The following CAMKMT variants were observed in gnomAD, a reference collection of about 807,000 sequenced individuals.
The protein encoded by CAMKMT is calmodulin-lysine N-methyltransferase.
Under a neutral mutation model 48.0 loss-of-function variants are expected in CAMKMT, and 53 were observed. The observed-to-expected ratio is 1.10, with a 90% CI of 0.89 to 1.39. The LOEUF (loss-of-function observed/expected upper bound fraction) is 1.39. Among genes scored for constraint, CAMKMT ranks in the 40% most tolerant of loss-of-function variants. CAMKMT has a pLI of 0.00. For missense variants in CAMKMT, 428 were observed against 402.7 expected, an observed-to-expected ratio of 1.06 and a Z score of -0.54; for synonymous variants, 165 against 152.3, an observed-to-expected ratio of 1.08 and a Z score of -0.61.
At chr2:44,381,575 A>T (rs959241671) in intron 2 of CAMKMT, among the ~76,000 whole-genome samples, 4 of 152,214 alleles carry the variant, frequency 2.6e-5, no homozygotes, top group African/African-American at 9.7e-5. Flanking sequence ...CAATCTTAAA[A>T]TCCAACATAA....
At chr2:44,462,424 G>A (rs1667894294) in intron 3 of CAMKMT, among the ~76,000 whole-genome samples, 2 of 151,996 alleles carry the variant, frequency 1.3e-5, no homozygotes, top group South Asian at 4.2e-4. Flanking sequence ...ACTCAATAAT[G>A]AAACTTGGAA....
chr2:44,768,672 C>T lies in CAMKMT; in HGVS notation c.894+2111C>T, dbSNP rs373288579. ...CTGCCCCTCCAGCCCTGCCCGCCCG[C>T]CCGGGGCTCCGGGACGCGGCCGCCG... On this transcript the variant is annotated intron_variant, in intron 10 of 10. Coordinates refer to ENST00000378494, the MANE Select transcript of CAMKMT (RefSeq NM_024766.5). 9.3e-3 allele frequency among the ~76,000 whole-genome samples: 1,409 copies of T among 152,300 alleles called. 8 individuals are homozygous for T. The highest frequency in any genetic ancestry group is 0.025 in the South Asian group (123 of 4,826).
At chr2:44,375,154 G>A (rs1181838706) in intron 2 of CAMKMT, among the ~76,000 whole-genome samples, 1 of 151,142 alleles carries the variant, frequency 6.6e-6, no homozygotes, top group African/African-American at 2.4e-5. Context: ...GAGCCACCAT[G>A]CCTGGCCAGG....
chr2:44,719,757 C>T (rs896714160), intron 7 of CAMKMT, among the ~76,000 whole-genome samples: 3 of 152,140 alleles, frequency 2.0e-5, no homozygotes, highest in African/African-American at 7.2e-5. Flanking sequence ...TCTTCTCAGG[C>T]ATGCGCATGT....
chr2:44,548,538 G>C (rs1047630477), intron 3 of CAMKMT, among the ~76,000 whole-genome samples: 1 of 152,158 alleles, frequency 6.6e-6, no homozygotes, highest in East Asian at 1.9e-4. Context: ...AGATACTGCT[G>C]TGGAAGGATT....
intron 3 of CAMKMT, among the ~76,000 whole-genome samples, chr2:44,532,993 T>C (rs1170800534): frequency 6.6e-6 from 1 of 151,460 alleles, no homozygotes; most frequent in South Asian, 2.1e-4. Flanking sequence ...TTGTATTTTT[T>C]AGTAGAGACG....
chr2:44,526,334 A>C (rs887301283), intron 3 of CAMKMT, among the ~76,000 whole-genome samples: 2 of 152,214 alleles, frequency 1.3e-5, no homozygotes, highest in African/African-American at 4.8e-5. Flanking sequence ...TAAAATTTCT[A>C]TTAGGGTTCT....
chr2:44,551,449 G>T (rs1041170245), intron 3 of CAMKMT, among the ~76,000 whole-genome samples: 3 of 152,110 alleles, frequency 2.0e-5, no homozygotes, highest in African/African-American at 7.2e-5. Flanking sequence ...GAAACTCCCT[G>T]GAGTTTTATG....
intron 3 of CAMKMT, among the ~76,000 whole-genome samples, chr2:44,606,616 A>C (rs1436773181): frequency 6.6e-6 from 1 of 152,146 alleles, no homozygotes; most frequent in Non-Finnish European, 1.5e-5. Flanking sequence ...TCATTTTTGA[A>C]ATGGTAGTGA....
intron 3 of CAMKMT, among the ~76,000 whole-genome samples, chr2:44,695,959 T>A (rs1676925383): frequency 1.3e-5 from 2 of 152,148 alleles, no homozygotes; most frequent in Admixed American, 1.3e-4. Context: ...ATTTTATTTT[T>A]TGAGACAGGG....
At chr2:44,745,928 T>C (rs1289239325) in intron 8 of CAMKMT, among the ~76,000 whole-genome samples, 3 of 152,162 alleles carry the variant, frequency 2.0e-5, no homozygotes, top group East Asian at 1.9e-4. Flanking sequence ...TCTGTAAGAG[T>C]TATTGCATGG....
intron 9 of CAMKMT, among the ~76,000 whole-genome samples, chr2:44,756,720 C>T (rs978464705): frequency 1.4e-5 from 2 of 144,996 alleles, no homozygotes; most frequent in African/African-American, 2.6e-5. Flanking sequence ...CTGGCCTGGG[C>T]GACAGAGCAA....
At chr2:44,556,305 A>G (rs952935204) in intron 3 of CAMKMT, among the ~76,000 whole-genome samples, 3 of 151,380 alleles carry the variant, frequency 2.0e-5, no homozygotes, top group African/African-American at 7.3e-5. Context: ...CACCTGGCTA[A>G]TTTTTGTATT....
intron 3 of CAMKMT, among the ~76,000 whole-genome samples, chr2:44,407,798 A>AT (rs1482949225): frequency 1.3e-5 from 2 of 152,016 alleles, no homozygotes; most frequent in East Asian, 1.9e-4. Flanking sequence ...ATGTGAAAGT[A>AT]TTTTTTCTTA....
At chr2:44,524,858 G>A (rs1452808818) in intron 3 of CAMKMT, among the ~76,000 whole-genome samples, 1 of 152,090 alleles carries the variant, frequency 6.6e-6, no homozygotes, top group South Asian at 2.1e-4. Flanking sequence ...TTAAATCATT[G>A]AATGGCTTTT....
In CAMKMT at chr2:44,470,220, T is replaced by A. The variant is rs373171712; in HGVS notation, c.376+79915T>A. On this transcript the variant is annotated intron_variant, in intron 3 of 10. Coordinates refer to ENST00000378494, the MANE Select transcript of CAMKMT (RefSeq NM_024766.5). Reference sequence around the variant, plus strand: ...TCCAGTTCTAACATTCTCAATTCTGTTTTTAAAACTATGGCCTCATACTGT... The same window carrying A: ...TCCAGTTCTAACATTCTCAATTCTGATTTTAAAACTATGGCCTCATACTGT... Among the ~76,000 whole-genome samples the A allele has an allele frequency of 1.1e-4, 16 of 152,294 alleles. No individual in the cohort carries two copies. The East Asian group carries it at 1.9e-3, about 18-fold the overall frequency.
chr2:44,706,414 G>C (rs1677564104), intron 5 of CAMKMT, 73 bp downstream of exon 5: 5 of 1,468,358 alleles, frequency 3.4e-6, no homozygotes, highest in East Asian at 2.3e-5. Flanking sequence ...GCCTCCAACT[G>C]CTGGGTCAGA....
intron 3 of CAMKMT, among the ~76,000 whole-genome samples, chr2:44,599,831 A>AG (rs1670879820): frequency 6.6e-6 from 1 of 151,702 alleles, no homozygotes; most frequent in Non-Finnish European, 1.5e-5. Flanking sequence ...AGGTTTAAAA[A>AG]AAAAAAAAAA....
intron 2 of CAMKMT, among the ~76,000 whole-genome samples, chr2:44,384,290 A>G (rs746817754): frequency 5.9e-5 from 9 of 151,926 alleles, no homozygotes; most frequent in Non-Finnish European, 1.3e-4. Context: ...AGAATTGTCT[A>G]TTCATGTCCT....
Sources: allele counts gnomAD v4.1 joint callset (sites outside exome capture counted in the v4.1 genomes callset), GRCh38; gene constraint gnomAD v4.1.1; transcripts MANE v1.5; gene names NCBI Gene and HGNC (gene_info 2026-07-23, HGNC 2026-07-21).